AGMO: variants seen among roughly 807,000 people sequenced by gnomAD.
The protein encoded by AGMO is glyceryl-ether monooxygenase.
AGMO carries 75 observed loss-of-function variants against 60.2 expected under a neutral mutation model. The ratio of observed to expected loss-of-function variants is 1.25; its 90% CI spans 1.03 to 1.51. AGMO has a LOEUF of 1.51. Among genes scored for constraint, AGMO ranks in the 40% most tolerant of loss-of-function variants. The probability of loss-of-function intolerance (pLI) is 0.00; values close to 1 mark genes in which losing one functional copy is unlikely to be tolerated. For synonymous variants in AGMO, 261 were observed against 177.1 expected (o/e 1.47, Z -3.76); for missense variants, 763 against 525.5 (o/e 1.45, Z -4.42).
At chr7:15,208,788 C>T (rs560790659) in intron 12 of AGMO, among the ~76,000 whole-genome samples, 3 of 152,254 alleles carry the variant, frequency 2.0e-5, no homozygotes, top group South Asian at 2.1e-4. Context: ...TTTCTGCATA[C>T]GCCTAACATT....
At chr7:15,560,081 G>T in intron 2 of AGMO, 60 bp downstream of exon 2, 1 of 1,412,378 alleles carries the variant, frequency 7.1e-7, no homozygotes, top group Middle Eastern at 1.9e-4. Flanking sequence ...GGGTTCCTTT[G>T]CCCCTCATAC....
intron 12 of AGMO, among the ~76,000 whole-genome samples, chr7:15,225,066 TTTTTC>T (rs1782036798): frequency 6.6e-6 from 1 of 151,992 alleles, no homozygotes; most frequent in Non-Finnish European, 1.5e-5. Flanking sequence ...TTCAGTCTTT[TTTTTC>T]TTTTTTCTTT....
intron 12 of AGMO, among the ~76,000 whole-genome samples, chr7:15,225,314 G>A (rs911335587): frequency 6.6e-6 from 1 of 151,814 alleles, no homozygotes; most frequent in African/African-American, 2.4e-5. Context: ...TTAGATGATG[G>A]TAATCTCTGT....
At chr7:15,139,462 G>C in the AGMO span, among the ~76,000 whole-genome samples, 4 of 152,064 alleles carry the variant, frequency 2.6e-5, no homozygotes, top group Non-Finnish European at 4.4e-5. Flanking sequence ...TTGTCTCCCA[G>C]GTACTAAGCC....
intron 12 of AGMO, among the ~76,000 whole-genome samples, chr7:15,229,653 T>A (rs1461867068): frequency 3.4e-5 from 5 of 148,362 alleles, no homozygotes; most frequent in Non-Finnish European, 5.9e-5. Context: ...GATTCCTTTA[T>A]AAGAATTATG....
chr7:15,388,367 T>A (rs1182447469), intron 8 of AGMO, among the ~76,000 whole-genome samples: 1 of 152,096 alleles, frequency 6.6e-6, no homozygotes, highest in Non-Finnish European at 1.5e-5. Context: ...TATGGGTTAA[T>A]GGAATAGATC....
intron 3 of AGMO, among the ~76,000 whole-genome samples, chr7:15,465,317 C>T (rs1046030509): frequency 1.2e-4 from 18 of 150,848 alleles, no homozygotes; most frequent in African/African-American, 4.1e-4. Context: ...AGAAGTCTTC[C>T]GAAATTAGAG....
intron 4 of AGMO, among the ~76,000 whole-genome samples, chr7:15,430,630 TAAAA>T (rs1165399598): frequency 1.9e-5 from 2 of 104,754 alleles, no homozygotes; most frequent in Admixed American, 9.1e-5. Context: ...TGGTTTTTTT[TAAAA>T]AAAAAAAAAA....
intron 3 of AGMO, among the ~76,000 whole-genome samples, chr7:15,535,528 T>C (rs1784465274): frequency 1.3e-5 from 2 of 151,976 alleles, no homozygotes; most frequent in African/African-American, 2.4e-5. Flanking sequence ...GTTGGGTCCA[T>C]CACTCTGTAT....
At chr7:15,226,226 A>G (rs183330888) in intron 12 of AGMO, among the ~76,000 whole-genome samples, 94 of 152,184 alleles carry the variant, frequency 6.2e-4, no homozygotes, top group Admixed American at 5.3e-3. Flanking sequence ...CTGATAACAA[A>G]CTCTGTATTT....
intron 5 of AGMO, among the ~76,000 whole-genome samples, chr7:15,409,641 C>T (rs1405662649): frequency 6.6e-6 from 1 of 151,854 alleles, no homozygotes; most frequent in Admixed American, 6.6e-5. Context: ...ACCTGTAAAA[C>T]TTTAATTATC....
chr7:15,220,208 C>CTTTTTT (rs904364065), intron 12 of AGMO, among the ~76,000 whole-genome samples: 2 of 109,532 alleles, frequency 1.8e-5, no homozygotes, highest in Non-Finnish European at 3.6e-5. Flanking sequence ...CTGACTGTGC[C>CTTTTTT]TTTTTTTTTT....
At chr7:15,458,955 A>T (rs1042686547) in intron 3 of AGMO, among the ~76,000 whole-genome samples, 5 of 152,144 alleles carry the variant, frequency 3.3e-5, no homozygotes, top group Non-Finnish European at 7.4e-5. Flanking sequence ...AAGCATACAA[A>T]ATTACCTTTT....
the AGMO span, among the ~76,000 whole-genome samples, chr7:15,182,976 T>A: frequency 6.6e-6 from 1 of 151,896 alleles, no homozygotes; most frequent in East Asian, 1.9e-4. Context: ...TCATGAGAAC[T>A]CTATCATGAG....
chr7:15,540,253 C>T (rs755052434), intron 3 of AGMO, among the ~76,000 whole-genome samples: 1 of 152,182 alleles, frequency 6.6e-6, no homozygotes, highest in African/African-American at 2.4e-5. Flanking sequence ...GTGGCTACCA[C>T]TGGAACTCTG....
At chr7:15,333,615 A>G (rs532000942) in intron 12 of AGMO, among the ~76,000 whole-genome samples, 70 of 151,018 alleles carry the variant, frequency 4.6e-4, no homozygotes, top group South Asian at 2.5e-3. Context: ...AAAAAAAAAA[A>G]AAAGAAAGAA....
Position 15,539,919 on chromosome 7 carries a change from T to G in AGMO, c.409+4853A>C, listed in dbSNP as rs557655019. On this transcript the variant is annotated intron_variant, in intron 3 of 12. Transcript: ENST00000342526. The stretch of plus-strand genomic sequence containing the variant: ...TTGAGCTTTTTTCATATGAAAACCC[T>G]AATTTGTTATTCTATGTAATATATG... Among the ~76,000 whole-genome samples the G allele has an allele frequency of 9.2e-5, 14 of 152,284 alleles. No individual in the cohort carries two copies. The East Asian group carries it at 2.7e-3, about 29-fold the overall frequency.
At chr7:15,330,436 A>C (rs1781464743) in intron 12 of AGMO, among the ~76,000 whole-genome samples, 1 of 152,190 alleles carries the variant, frequency 6.6e-6, no homozygotes, top group African/African-American at 2.4e-5. Context: ...ACTGTCAAAA[A>C]CAGAACTGAT....
At chr7:15,182,456 C>G in the AGMO span, among the ~76,000 whole-genome samples, 5 of 152,226 alleles carry the variant, frequency 3.3e-5, no homozygotes, top group African/African-American at 1.2e-4. Flanking sequence ...CACTCTGTTG[C>G]CCAGGCTGGA....
Sources: gnomAD v4.1 joint callset for allele counts (sites outside exome capture counted in the v4.1 genomes callset) on GRCh38, gnomAD v4.1.1 for gene constraint, MANE v1.5 for transcripts, NCBI Gene and HGNC (gene_info 2026-07-23, HGNC 2026-07-21) for gene names.